The following SLC4A8 variants were observed in gnomAD, a reference collection of about 807,000 sequenced individuals.
The protein encoded by SLC4A8 is electroneutral sodium bicarbonate exchanger 1.
In SLC4A8, 40 loss-of-function variants were observed where a neutral mutation model predicts 125.0. That is an observed-to-expected ratio of 0.32 (90% confidence interval 0.25 to 0.42). The LOEUF is 0.42. Ranked by LOEUF, SLC4A8 falls within the 10% of genes least tolerant of loss-of-function variation. SLC4A8 has a pLI of 1.00. For synonymous variants in SLC4A8, 456 were observed against 476.0 expected (o/e 0.96, Z 0.55); for missense variants, 863 against 1,355.1 (o/e 0.64, Z 5.70).
At chr12:51,489,999 G>T in intron 19 of SLC4A8, 48 bp downstream of exon 19, 2 of 1,581,778 alleles carry the variant, frequency 1.3e-6, no homozygotes, top group Non-Finnish European at 1.7e-6. Flanking sequence ...CCTGATTTGT[G>T]CCAGGAATCC....
intron 16 of SLC4A8, among the ~76,000 whole-genome samples, chr12:51,478,147 C>A (rs1403588656): frequency 6.6e-6 from 1 of 151,802 alleles, no homozygotes; most frequent in African/African-American, 2.4e-5. Flanking sequence ...TGGTGGCGGG[C>A]GCCTCTAGTC....
At chr12:51,412,145 GT>G (rs962618202) in intron 1 of SLC4A8, among the ~76,000 whole-genome samples, 3 of 150,804 alleles carry the variant, frequency 2.0e-5, no homozygotes, top group African/African-American at 4.9e-5. Flanking sequence ...ATTATTGAGG[GT>G]TTTTTTTTGG....
At chr12:51,478,147 C>T (rs1403588656) in intron 16 of SLC4A8, among the ~76,000 whole-genome samples, 10 of 151,800 alleles carry the variant, frequency 6.6e-5, no homozygotes, top group African/African-American at 1.5e-4. Flanking sequence ...TGGTGGCGGG[C>T]GCCTCTAGTC....
chr12:51,432,283 C>T lies in SLC4A8; in HGVS notation c.48+7248C>T, dbSNP rs576642421. Among the ~76,000 whole-genome samples, 458 of 151,166 alleles carry T rather than the reference C, an allele frequency of 3.0e-3. 2 individuals carry two copies. Among genetic ancestry groups the T allele is most frequent in the African/African-American group, 0.011 (442 of 41,158 alleles). ...AAAATTAGCCGGGTGTGGTGGCGGG[C>T]GCCTGTAGTCCCACCTACTCGGGAG... is the stretch of plus-strand genomic sequence containing the variant. On this transcript the variant is annotated intron_variant, in intron 1 of 24. Transcript: ENST00000453097.
intron 2 of SLC4A8, among the ~76,000 whole-genome samples, chr12:51,446,879 T>C (rs987882800): frequency 6.6e-6 from 1 of 152,252 alleles, no homozygotes; most frequent in Non-Finnish European, 1.5e-5. Flanking sequence ...TGCTTGATTA[T>C]GTAGGCATTC....
At chr12:51,475,497 G>A (rs1414031480) in intron 16 of SLC4A8, among the ~76,000 whole-genome samples, 1 of 152,194 alleles carries the variant, frequency 6.6e-6, no homozygotes, top group African/African-American at 2.4e-5. Flanking sequence ...ATGCTGTTAC[G>A]TTTCATTTCC....
At position 51,462,347 on chromosome 12, in the gene SLC4A8, A is replaced by T. The variant is rs770481073; in HGVS notation, c.1139A>T (p.Asp380Val). ...GTAGCATATAAGGCAAAAGAGCGAGATGATCTCCTGGCGGGGATTGATGAG... is the reference window on the plus strand; with the variant it reads ...GTAGCATATAAGGCAAAAGAGCGAGTTGATCTCCTGGCGGGGATTGATGAG... Reference protein sequence around the residue: ...HDVAYKAKERDDLLAGIDEFL... With the variant: ...HDVAYKAKERVDLLAGIDEFL... Residue 380 changes from aspartate to valine, a missense_variant, in exon 10 of 25, where the codon GAT (aspartate) becomes GTT (valine). Physicochemically the swap from Asp to Val is radical, Grantham distance 152. Transcript: ENST00000453097. 3 of 1,613,970 alleles carry T rather than the reference A, an allele frequency of 1.9e-6. No homozygotes were observed. The highest frequency in any genetic ancestry group is 2.5e-6 in the Non-Finnish European group (3 of 1,179,918).
At chr12:51,488,221 A>G (rs1471600821) in intron 17 of SLC4A8, among the ~76,000 whole-genome samples, 1 of 152,204 alleles carries the variant, frequency 6.6e-6, no homozygotes, top group Non-Finnish European at 1.5e-5. Flanking sequence ...GAGAGAAGAA[A>G]AGTTTTTTAT....
At chr12:51,454,454 G>A in intron 5 of SLC4A8, among the ~76,000 whole-genome samples, 1 of 139,408 alleles carries the variant, frequency 7.2e-6, no homozygotes, top group African/African-American at 2.7e-5. Flanking sequence ...AGTTCCCTTA[G>A]TATTTATTGA....
intron 4 of SLC4A8, among the ~76,000 whole-genome samples, chr12:51,452,857 G>A (rs1950010490): frequency 1.3e-5 from 2 of 152,222 alleles, no homozygotes; most frequent in Non-Finnish European, 1.5e-5. Context: ...GGGTCCTCTA[G>A]TAACTGACCA....
At chr12:51,415,744 G>A (rs1382855872) in intron 1 of SLC4A8, among the ~76,000 whole-genome samples, 1 of 150,216 alleles carries the variant, frequency 6.7e-6, no homozygotes, top group Admixed American at 6.7e-5. Context: ...GGAAATTACA[G>A]ACACTGGGGA....
rs754745657 is a variant in SLC4A8 at position 51,457,338 on chromosome 12, G to A, written c.575-13G>A. The stretch of plus-strand genomic sequence containing the variant: ...CCTCAATCTGAGTGTTCATGTGAGT[G>A]CCTGCTTTCCAGACCTGATCCTGGA... On this transcript the variant is annotated splice_polypyrimidine_tract_variant and intron_variant, in intron 5 of 24. Coordinates refer to ENST00000453097, the MANE Select transcript of SLC4A8 (RefSeq NM_001039960.3). 11 of 1,611,432 alleles carry A rather than the reference G, an allele frequency of 6.8e-6. No individual in the cohort carries two copies. Among genetic ancestry groups the A allele is most frequent in the Non-Finnish European group, 9.3e-6 (11 of 1,178,462 alleles).
intron 14 of SLC4A8, among the ~76,000 whole-genome samples, chr12:51,472,641 C>G (rs918778538): frequency 4.6e-5 from 7 of 152,112 alleles, no homozygotes; most frequent in African/African-American, 1.7e-4. Context: ...CTTGGAAACG[C>G]AGTGGCAAAC....
chr12:51,462,161 C>A, intron 9 of SLC4A8, 149 bp from the exon 10 acceptor site: 1 of 693,534 alleles, frequency 1.4e-6, no homozygotes, highest in Non-Finnish European at 2.5e-6. Flanking sequence ...TATCCTTGCA[C>A]TTCTCTAAGT....
At chr12:51,423,660 C>T (rs144142393), upstream of SLC4A8, among the ~76,000 whole-genome samples, 2 of 152,268 alleles carry the variant, frequency 1.3e-5, no homozygotes, top group Non-Finnish European at 2.9e-5. Context: ...TCTTTAGGGG[C>T]TGAGAATTAT....
intron 1 of SLC4A8, among the ~76,000 whole-genome samples, chr12:51,407,072 C>T (rs1948501985): frequency 6.6e-6 from 1 of 152,096 alleles, no homozygotes; most frequent in Admixed American, 6.6e-5. Context: ...AGGGTGCTGG[C>T]AGGTTTGGTG....
At position 51,450,911 on chromosome 12, in the gene SLC4A8, C is replaced by T; in HGVS notation, c.166C>T (p.Leu56Phe). The T allele has an allele frequency of 6.2e-7, 1 of 1,612,736 alleles. No homozygotes were observed. The highest frequency in any genetic ancestry group is 8.5e-7 in the Non-Finnish European group (1 of 1,179,330). The change falls in exon 3 of 25, where the codon CTT becomes TTT. Residue 56 changes from leucine to phenylalanine, a missense_variant. Physicochemically the swap from Leu to Phe is conservative, Grantham distance 22. Coordinates refer to ENST00000453097, the MANE Select transcript of SLC4A8 (RefSeq NM_001039960.3). ...TCTGTATGTGGGAGTTCGGATGCCG[C>T]TTGGCCGGCAGAGCCATCGGCATCA... ...RTLYVGVRMP[L>F]GRQSHRHHRT...
chr12:51,487,216 A>C (rs935774611), intron 17 of SLC4A8, among the ~76,000 whole-genome samples: 1 of 152,156 alleles, frequency 6.6e-6, no homozygotes, highest in African/African-American at 2.4e-5. Context: ...GCAGAGAAGA[A>C]GTTTTCTTCT....
chr12:51,491,221 G>C (rs1951308944), intron 19 of SLC4A8, among the ~76,000 whole-genome samples: 1 of 152,088 alleles, frequency 6.6e-6, no homozygotes, highest in Non-Finnish European at 1.5e-5. Flanking sequence ...GAGGGTTCTG[G>C]ACTAAAATAT....
Sources: allele counts gnomAD v4.1 joint callset (sites outside exome capture counted in the v4.1 genomes callset), GRCh38; gene constraint gnomAD v4.1.1; transcripts MANE v1.5; gene names NCBI Gene and HGNC (gene_info 2026-07-23, HGNC 2026-07-21).